The following MYO1D variants were observed in gnomAD, a reference collection of about 807,000 sequenced individuals.
MYO1D encodes unconventional myosin-Id.
A neutral mutation model predicts 122.0 loss-of-function variants in MYO1D; 83 were observed. That is an observed-to-expected ratio of 0.68 (90% CI 0.57 to 0.82). The LOEUF is 0.82. Among genes scored for constraint, MYO1D ranks in the 40% least tolerant of loss-of-function variants. The probability of loss-of-function intolerance (pLI) is 0.00; values close to 1 mark genes in which losing one functional copy is unlikely to be tolerated. For synonymous variants in MYO1D, 464 were observed against 446.9 expected (o/e 1.04, Z -0.48); for missense variants, 1,157 against 1,269.5 (o/e 0.91, Z 1.35).
At position 32,659,179 on chromosome 17, in the gene MYO1D, TC is replaced by T; in HGVS notation, c.2280del (p.Lys761SerfsTer50). The T allele has an allele frequency of 1.2e-6, 2 of 1,614,182 alleles. No individual in the cohort carries two copies. The highest frequency in any genetic ancestry group is 8.5e-7 in the Non-Finnish European group (1 of 1,180,018). On this transcript the variant is annotated frameshift_variant, in exon 17 of 22. Coordinates refer to ENST00000318217, the MANE Select transcript of MYO1D (RefSeq NM_015194.3). LOFTEE classifies it high-confidence loss of function. ...AGAACTTTAGGAGGGCTTGGCCACTTCACGTGCTTCCCGTAGTCTCGCATGG... is the reference window on the plus strand; with the variant it reads ...AGAACTTTAGGAGGGCTTGGCCACTTACGTGCTTCCCGTAGTCTCGCATGG... ...VKTMRDYGKH[V>X]KWPSPPKVLR...
At chr17:32,764,622 G>T (rs2090036188) in intron 8 of MYO1D, among the ~76,000 whole-genome samples, 1 of 152,130 alleles carries the variant, frequency 6.6e-6, no homozygotes, top group African/African-American at 2.4e-5. Context: ...AAGCATTATT[G>T]AGTGAGAGAA....
At chr17:32,520,450 C>CG (rs923687398) in intron 21 of MYO1D, among the ~76,000 whole-genome samples, 1 of 152,214 alleles carries the variant, frequency 6.6e-6, no homozygotes, top group Non-Finnish European at 1.5e-5. Context: ...AATAGCAAAA[C>CG]GGGGGCAGGA....
chr17:32,566,017 A>G (rs430125), intron 21 of MYO1D, among the ~76,000 whole-genome samples: 66,262 of 151,722 alleles, frequency 0.44, 14,692 homozygotes, highest in East Asian at 0.56. Flanking sequence ...GAGCCACCGC[A>G]CCCGGCCTTC....
chr17:32,518,842 C>A (rs1909992854), intron 21 of MYO1D: 1 of 152,284 alleles, frequency 6.6e-6, no homozygotes, highest in Non-Finnish European at 1.5e-5. Flanking sequence ...CCCCTCCCCC[C>A]GAATAACGAC....
chr17:32,798,244 A>G (rs2090434529), intron 1 of MYO1D, among the ~76,000 whole-genome samples: 1 of 152,066 alleles, frequency 6.6e-6, no homozygotes, highest in African/African-American at 2.4e-5. Context: ...ATATTTATTG[A>G]ATTAATGAAG....
chr17:32,559,969 A>G (rs2087102642), intron 21 of MYO1D, among the ~76,000 whole-genome samples: 2 of 152,204 alleles, frequency 1.3e-5, no homozygotes, highest in African/African-American at 2.4e-5. Flanking sequence ...AACTGCATAA[A>G]AAGTGTGCCA....
rs79975904 is a variant in MYO1D, at chr17:32,716,089, T to C, written c.1914-3894A>G. Among the ~76,000 whole-genome samples the C allele has an allele frequency of 3.4e-3, 522 of 152,358 alleles. 4 individuals carry two copies. The highest frequency in any genetic ancestry group is 0.012 in the African/African-American group (497 of 41,578). Reference sequence around the variant, plus strand: ...AAATCATTTTTGTCTTTGGCTGCTTTCCTTCCTCACTATCCATCAATCATG... The same window carrying C: ...AAATCATTTTTGTCTTTGGCTGCTTCCCTTCCTCACTATCCATCAATCATG... On this transcript the variant is annotated intron_variant, in intron 15 of 21. Transcript: ENST00000318217.
At chr17:32,701,623 C>T (rs890844907) in intron 16 of MYO1D, among the ~76,000 whole-genome samples, 12 of 151,906 alleles carry the variant, frequency 7.9e-5, no homozygotes, top group African/African-American at 1.7e-4. Flanking sequence ...AGTTCGGTGG[C>T]GCAATCATGT....
At chr17:32,741,432 A>G (rs2089771615) in intron 13 of MYO1D, among the ~76,000 whole-genome samples, 1 of 151,484 alleles carries the variant, frequency 6.6e-6, no homozygotes, top group South Asian at 2.1e-4. Flanking sequence ...GGCCTTTCCT[A>G]TTATGGAATA....
chr17:32,513,460 C>G (rs889801159), intron 21 of MYO1D, among the ~76,000 whole-genome samples: 1 of 152,118 alleles, frequency 6.6e-6, no homozygotes, highest in African/African-American at 2.4e-5. Context: ...GTTTTTTGGA[C>G]AGTGTTGAGT....
intron 1 of MYO1D, among the ~76,000 whole-genome samples, chr17:32,811,616 C>CCT: frequency 1.7e-5 from 1 of 57,502 alleles, no homozygotes; most frequent in Non-Finnish European, 3.4e-5. Context: ...CCCTCACCCT[C>CCT]TTTTTTTTTT....
intron 21 of MYO1D, among the ~76,000 whole-genome samples, chr17:32,557,656 G>A (rs552640339): frequency 2.0e-3 from 306 of 151,724 alleles, no homozygotes; most frequent in Middle Eastern, 3.4e-3. Flanking sequence ...ACAGGAGCAC[G>A]CCACCATGCC....
chr17:32,793,821 T>G (rs1324802083), intron 1 of MYO1D, among the ~76,000 whole-genome samples: 2 of 152,250 alleles, frequency 1.3e-5, no homozygotes, highest in Non-Finnish European at 2.9e-5. Context: ...TTAACCTCCC[T>G]GTGCCTCACT....
chr17:32,875,236 C>T (rs187932641), intron 1 of MYO1D, among the ~76,000 whole-genome samples: 1 of 152,258 alleles, frequency 6.6e-6, no homozygotes. Context: ...CAACTTATTT[C>T]CTGTGGGGGA....
intron 7 of MYO1D, among the ~76,000 whole-genome samples, chr17:32,766,434 G>C: frequency 6.6e-6 from 1 of 151,984 alleles, no homozygotes; most frequent in East Asian, 1.9e-4. Flanking sequence ...TACCCTATAC[G>C]ACACTTCTTT....
intron 16 of MYO1D, among the ~76,000 whole-genome samples, chr17:32,697,381 T>C (rs542110751): frequency 9.5e-4 from 145 of 152,286 alleles, no homozygotes; most frequent in African/African-American, 3.3e-3. Flanking sequence ...CAATCAAAGG[T>C]ACGCTTTTGT....
intron 15 of MYO1D, among the ~76,000 whole-genome samples, chr17:32,719,719 A>C (rs2089488398): frequency 6.6e-6 from 1 of 152,192 alleles, no homozygotes; most frequent in Admixed American, 6.5e-5. Context: ...AGGTTATGTA[A>C]TTCCATGCTT....
At chr17:32,700,567 G>C (rs981307121) in intron 16 of MYO1D, among the ~76,000 whole-genome samples, 1 of 152,202 alleles carries the variant, frequency 6.6e-6, no homozygotes, top group African/African-American at 2.4e-5. Context: ...CCAGAAGTTG[G>C]AGAAAGATAA....
At chr17:32,733,799 C>T (rs548002500) in intron 14 of MYO1D, among the ~76,000 whole-genome samples, 108 of 152,204 alleles carry the variant, frequency 7.1e-4, no homozygotes, top group Middle Eastern at 6.8e-3. Flanking sequence ...TCTTACTTTT[C>T]GTTAGTTCAT....
Sources: allele counts gnomAD v4.1 joint callset (sites outside exome capture counted in the v4.1 genomes callset), GRCh38; gene constraint gnomAD v4.1.1; transcripts MANE v1.5; gene names NCBI Gene and HGNC (gene_info 2026-07-23, HGNC 2026-07-21).